The following CRIM1 variants were observed in gnomAD, a reference collection of about 807,000 sequenced individuals.
The protein encoded by CRIM1 is cysteine-rich motor neuron 1 protein.
CRIM1 carries 32 observed loss-of-function variants against 116.4 expected under a neutral mutation model. The ratio of observed to expected loss-of-function variants is 0.27; its 90% confidence interval spans 0.21 to 0.37. The LOEUF (loss-of-function observed/expected upper bound fraction) is 0.37, where lower values mean the gene tolerates loss of function less well. Among genes scored for constraint, CRIM1 ranks in the 10% least tolerant of loss-of-function variants. CRIM1 has a pLI of 1.00. For missense variants in CRIM1, 1,331 were observed against 1,354.8 expected (o/e 0.98, Z 0.28); for synonymous variants, 590 against 509.2 (o/e 1.16, Z -2.13).
At chr2:36,428,939 G>A (rs906056090) in intron 2 of CRIM1, among the ~76,000 whole-genome samples, 1 of 152,316 alleles carries the variant, frequency 6.6e-6, no homozygotes, top group South Asian at 2.1e-4. Flanking sequence ...GTGTGGCCAC[G>A]TGACTGAGTC....
chr2:36,492,801 C>A (rs1333801113), intron 7 of CRIM1, among the ~76,000 whole-genome samples: 1 of 152,166 alleles, frequency 6.6e-6, no homozygotes, highest in African/African-American at 2.4e-5. Context: ...TTTTCCTACT[C>A]ATTGGATATT....
At chr2:36,435,330 C>CTGTG (rs111252647) in intron 2 of CRIM1, among the ~76,000 whole-genome samples, 2,269 of 149,842 alleles carry the variant, frequency 0.015, 64 homozygotes, top group African/African-American at 0.05. Context: ...GTGTATCTCA[C>CTGTG]TGTGTGTGTG....
intron 2 of CRIM1, among the ~76,000 whole-genome samples, chr2:36,431,597 T>C (rs546192078): frequency 6.6e-6 from 1 of 152,348 alleles, no homozygotes; most frequent in East Asian, 1.9e-4. Flanking sequence ...GATCACACTT[T>C]CTACTACACT....
At chr2:36,462,346 TAA>T (rs932863488) in intron 4 of CRIM1, among the ~76,000 whole-genome samples, 1 of 152,242 alleles carries the variant, frequency 6.6e-6, no homozygotes, top group African/African-American at 2.4e-5. Flanking sequence ...TTGTACTCCC[TAA>T]ATGTATTTTT....
chr2:36,496,613 G>A (rs762430292), intron 7 of CRIM1, among the ~76,000 whole-genome samples: 1 of 152,090 alleles, frequency 6.6e-6, no homozygotes, highest in African/African-American at 2.4e-5. Context: ...CATACTGAAC[G>A]GCCCTTTATG....
chr2:36,528,276 G>A (rs985022704), intron 13 of CRIM1, among the ~76,000 whole-genome samples: 1 of 152,138 alleles, frequency 6.6e-6, no homozygotes, highest in Non-Finnish European at 1.5e-5. Flanking sequence ...TCGAGGCCGA[G>A]AATATCTTAG....
intron 13 of CRIM1, among the ~76,000 whole-genome samples, chr2:36,530,572 TAG>T (rs758348555): frequency 3.3e-5 from 5 of 152,156 alleles, no homozygotes; most frequent in African/African-American, 1.2e-4. Context: ...CTTTGTGGCT[TAG>T]AGAGTGCTGT....
chr2:36,438,551 G>A (rs1558584275), intron 2 of CRIM1, among the ~76,000 whole-genome samples: 2 of 152,112 alleles, frequency 1.3e-5, no homozygotes, highest in East Asian at 1.9e-4. Flanking sequence ...GCAGTTCCTT[G>A]GGGGGTTATA....
intron 6 of CRIM1, among the ~76,000 whole-genome samples, chr2:36,478,431 G>C (rs1203500442): frequency 6.6e-6 from 1 of 152,142 alleles, no homozygotes; most frequent in Non-Finnish European, 1.5e-5. Flanking sequence ...TCTGGGCATG[G>C]ATCCAGTTAT....
At chr2:36,359,032 G>A (rs1365282471) in intron 1 of CRIM1, among the ~76,000 whole-genome samples, 1 of 152,146 alleles carries the variant, frequency 6.6e-6, no homozygotes. Flanking sequence ...AGAAGGTATT[G>A]ATTATCTCTT....
chr2:36,356,725 G>C lies in CRIM1; in HGVS notation c.331+102G>C, dbSNP rs569556802. 1 of 1,189,762 alleles carries C rather than the reference G, an allele frequency of 8.4e-7. No individual in the cohort carries two copies. Among genetic ancestry groups the C allele is most frequent in the South Asian group, 1.5e-5 (1 of 65,200 alleles). 73.7% of individuals were successfully genotyped at this position (1,189,762 alleles called of 1,614,324 possible). A position where few individuals can be genotyped will look rare whatever the true frequency, so the allele number is the denominator to read the frequency against. Reference sequence around the variant, plus strand: ...TGGGCGAGACTTTCTGGAGGAAAGAGGGCTCTGCGGGAAGAGGGGCGGCCG... The same window carrying C: ...TGGGCGAGACTTTCTGGAGGAAAGACGGCTCTGCGGGAAGAGGGGCGGCCG... On this transcript the variant is annotated intron_variant, in intron 1 of 16. Transcript: ENST00000280527. The surrounding 1 kb of genome is among the most constrained non-coding windows in gnomAD (Gnocchi z 4.3).
chr2:36,399,586 T>A (rs1205961891), intron 2 of CRIM1, among the ~76,000 whole-genome samples: 1 of 152,200 alleles, frequency 6.6e-6, no homozygotes, highest in Admixed American at 6.5e-5. Context: ...AGTCTCGTGA[T>A]AAAATGGTAC....
intron 2 of CRIM1, among the ~76,000 whole-genome samples, chr2:36,427,736 G>A (rs1674568860): frequency 2.0e-5 from 3 of 152,234 alleles, no homozygotes; most frequent in African/African-American, 7.2e-5. Flanking sequence ...GCCCTAGGTT[G>A]TTCCTCATGG....
chr2:36,517,403 A>G lies in CRIM1; in HGVS notation c.2067A>G (p.Glu689=). The change falls in exon 12 of 17, where the codon GAA becomes GAG. Residue 689 remains glutamate, a synonymous_variant. Coordinates refer to ENST00000280527, the MANE Select transcript of CRIM1 (RefSeq NM_016441.3). The part of the protein sequence containing the change: ...CHAPGGEYFV[E]GETWNIDSCT... ...CCCCTGGAGGAGAATACTTTGTGGA[A>G]GGAGAAACGTGGAACATTGACTCCT... 2.5e-6 allele frequency: 4 copies of G among 1,614,204 alleles called. No homozygotes were observed. The highest frequency in any genetic ancestry group is 3.4e-6 in the Non-Finnish European group (4 of 1,180,028).
At position 36,441,248 on chromosome 2, in the gene CRIM1, T is replaced by C; in HGVS notation, c.506-10T>C. ...CTGGGCATAAGCTAAATTCTTTCTC[T>C]CCCTTTTAGAAGAGAAGCCAGATTG... On this transcript the variant is annotated splice_polypyrimidine_tract_variant and intron_variant, in intron 2 of 16. Coordinates refer to ENST00000280527, the MANE Select transcript of CRIM1 (RefSeq NM_016441.3). The C allele has an allele frequency of 6.2e-7, 1 of 1,614,112 alleles. No homozygotes were observed. Among genetic ancestry groups the C allele is most frequent in the Non-Finnish European group, 8.5e-7 (1 of 1,179,952 alleles).
chr2:36,545,135 T>A (rs1202662948), intron 15 of CRIM1, among the ~76,000 whole-genome samples: 2 of 152,228 alleles, frequency 1.3e-5, no homozygotes, highest in Non-Finnish European at 2.9e-5. Flanking sequence ...CGTGACTCAG[T>A]ACTGCCTCCT....
At chr2:36,522,736 A>G (rs1265561256) in intron 13 of CRIM1, among the ~76,000 whole-genome samples, 1 of 145,028 alleles carries the variant, frequency 6.9e-6, no homozygotes, top group Non-Finnish European at 1.5e-5. Flanking sequence ...CGGGAGGCGG[A>G]GGTTACAGTG....
chr2:36,516,130 C>T (rs926653171), intron 11 of CRIM1, among the ~76,000 whole-genome samples: 2 of 152,182 alleles, frequency 1.3e-5, no homozygotes, highest in African/African-American at 2.4e-5. Flanking sequence ...AGTTGTTACC[C>T]TCTTAACTGG....
intron 8 of CRIM1, among the ~76,000 whole-genome samples, chr2:36,509,163 T>TG (rs2125104873): frequency 6.6e-6 from 1 of 152,316 alleles, no homozygotes; most frequent in African/African-American, 2.4e-5. Context: ...GCATACAATA[T>TG]GCAGTATTAT....
Sources: gnomAD v4.1 joint callset for allele counts (sites outside exome capture counted in the v4.1 genomes callset) on GRCh38, gnomAD v4.1.1 for gene constraint, Gnocchi (gnomAD v3.1) non-coding constraint, MANE v1.5 for transcripts, NCBI Gene and HGNC (gene_info 2026-07-23, HGNC 2026-07-21) for gene names.